The following RCBTB2 variants were observed in gnomAD, a reference collection of about 807,000 sequenced individuals.
The protein encoded by RCBTB2 is RCC1 and BTB domain-containing protein 2.
A neutral mutation model predicts 65.4 loss-of-function variants in RCBTB2; 55 were observed. The observed-to-expected ratio is 0.84, with a 90% confidence interval of 0.68 to 1.05. The LOEUF is 1.05. Ranked by LOEUF, RCBTB2 falls within the 50% of genes least tolerant of loss-of-function variation. The pLI is 0.00. For synonymous variants in RCBTB2, 220 were observed against 255.2 expected (o/e 0.86, Z 1.31); for missense variants, 599 against 680.1 (o/e 0.88, Z 1.33).
intron 11 of RCBTB2, 132 bp from the exon 12 acceptor site, chr13:48,502,000 G>T: frequency 1.6e-6 from 1 of 613,514 alleles, no homozygotes; most frequent in Non-Finnish European, 2.6e-6. Flanking sequence ...CTGAGCAATG[G>T]ATTTTTTCCC....
chr13:48,490,346 A>T, intron 14 of RCBTB2, 95 bp from the exon 15 acceptor site: 4 of 1,086,722 alleles, frequency 3.7e-6, no homozygotes, highest in Non-Finnish European at 5.4e-6. Context: ...GGCAAAGAAA[A>T]AGGATTTAAT....
intron 9 of RCBTB2, 145 bp downstream of exon 9, chr13:48,511,625 A>C: frequency 1.5e-6 from 1 of 683,240 alleles, no homozygotes; most frequent in African/African-American, 1.8e-5. Flanking sequence ...TAATTCAAGG[A>C]AAAAGAGACT....
chr13:48,514,325 G>A (rs1950967989), intron 6 of RCBTB2, among the ~76,000 whole-genome samples: 1 of 152,164 alleles, frequency 6.6e-6, no homozygotes, highest in South Asian at 2.1e-4. Flanking sequence ...CAGCTGGGAT[G>A]GAGCAAGATG....
At chr13:48,500,557 T>C (rs1469261581) in intron 12 of RCBTB2, among the ~76,000 whole-genome samples, 1 of 151,748 alleles carries the variant, frequency 6.6e-6, no homozygotes, top group East Asian at 1.9e-4. Context: ...GACTCTGCCA[T>C]CTAAAAAAAA....
At chr13:48,500,885 C>T (rs1950204891) in intron 12 of RCBTB2, among the ~76,000 whole-genome samples, 1 of 152,188 alleles carries the variant, frequency 6.6e-6, no homozygotes, top group South Asian at 2.1e-4. Flanking sequence ...GCAAACGCTG[C>T]ACAGCTTGAT....
rs1314215295 is a variant in RCBTB2, at chr13:48,502,900, G to A, written c.941C>T (p.Ala314Val). The A allele has an allele frequency of 9.3e-6, 15 of 1,611,980 alleles. No individual in the cohort carries two copies. Among genetic ancestry groups the A allele is most frequent in the Admixed American group, 1.7e-5 (1 of 59,850 alleles). Residue 314 changes from alanine to valine, a missense_variant, in exon 11 of 15, where the codon GCA becomes GTA. Ala to Val is a moderately conservative substitution (Grantham distance 64, BLOSUM62 0). Coordinates refer to ENST00000344532, the MANE Select transcript of RCBTB2 (RefSeq NM_001268.4). ...AGACGTGTGTGTGGAGTGACAGGCT[G>A]CAATCTCGATAATCCTAAATTCACA... The part of the protein sequence containing the change: ...TVEKDRIIEI[A>V]ACHSTHTSAA...
At chr13:48,532,396 C>T (rs1952185948) in intron 1 of RCBTB2, 1 of 152,524 alleles carries the variant, frequency 6.6e-6, no homozygotes, top group African/African-American at 2.4e-5. Context: ...AAAGCATATA[C>T]TGCCACTGAG....
At chr13:48,512,518 C>T (rs1025683509) in intron 7 of RCBTB2, among the ~76,000 whole-genome samples, 2 of 152,132 alleles carry the variant, frequency 1.3e-5, no homozygotes, top group Non-Finnish European at 2.9e-5. Flanking sequence ...GGAACAATAC[C>T]TCCTTTTAAA....
At position 48,531,323 on chromosome 13, in the gene RCBTB2, A is replaced by C. The variant is rs572866850; in HGVS notation, c.-219+1705T>G. Among the ~76,000 whole-genome samples the C allele has an allele frequency of 3.9e-5, 6 of 152,342 alleles. No homozygotes were observed. The East Asian group carries it at 1.2e-3, about 29-fold the overall frequency. ...TTCCAATTTTATTTCTACAATTAAC[A>C]AATACCTTCTGAGCTTCAATTATGG... On this transcript the variant is annotated intron_variant, in intron 1 of 14. Transcript: ENST00000344532.
chr13:48,510,756 C>A lies in RCBTB2; in HGVS notation c.799G>T (p.Ala267Ser), dbSNP rs150107579. ...IRVQRVACGY[A>S]HTLVLTDEGQ... ...TCATCTGTTAATACTAATGTGTGTG[C>A]GTAGCCACAGGCGACCTGGAAGGAA... Residue 267 changes from alanine to serine, a missense_variant, in exon 10 of 15, where the codon GCA (alanine) becomes TCA (serine). Coordinates refer to ENST00000344532, the MANE Select transcript of RCBTB2 (RefSeq NM_001268.4). The A allele has an allele frequency of 5.0e-6, 8 of 1,612,026 alleles. No individual in the cohort carries two copies. The highest frequency in any genetic ancestry group is 4.2e-6 in the Non-Finnish European group (5 of 1,178,398).
Position 48,512,072 on chromosome 13 carries a change from C to T in RCBTB2, c.619G>A (p.Val207Ile), listed in dbSNP as rs764653376. ...ATCTGCCCACATGCTATGGTCACAA[C>T]TACTTTATTTTGTAGGCAGCCAGTG... ...RVTGCLQNKV[V>I]VTIACGQMCC... The change falls in exon 8 of 15, where the codon GTT becomes ATT. Residue 207 changes from valine (V) to isoleucine (I), a missense_variant. Coordinates refer to ENST00000344532, the MANE Select transcript of RCBTB2 (RefSeq NM_001268.4). 11 of 1,614,266 alleles carry T rather than the reference C, an allele frequency of 6.8e-6. No individual in the cohort carries two copies. The highest frequency in any genetic ancestry group is 1.7e-5 in the Admixed American group (1 of 60,028).
In RCBTB2 at chr13:48,490,018, C is replaced by T; in HGVS notation, c.*93G>A. The T allele has an allele frequency of 7.3e-7, 1 of 1,374,474 alleles. No homozygotes were observed. The highest frequency in any genetic ancestry group is 1.0e-6 in the Non-Finnish European group (1 of 968,002). The allele number at this position is 1,374,474 out of a possible 1,614,324, so 85.1% of individuals were successfully genotyped here. On this transcript the variant is annotated 3_prime_UTR_variant, in exon 15 of 15. Transcript: ENST00000344532. ...GTTACAAGTACTCAGCCAAACATAG[C>T]TCATCATACATACTATTAATTAAAG...
In RCBTB2 at chr13:48,511,873, T is replaced by C. The variant is rs760864772; in HGVS notation, c.680A>G (p.Tyr227Cys). 17 of 1,614,104 alleles carry C rather than the reference T, an allele frequency of 1.1e-5. No homozygotes were observed. In the East Asian group the frequency reaches 1.3e-4, roughly 13 times the overall value. Residue 227 changes from tyrosine (Y) to cysteine (C), a missense_variant, in exon 9 of 15, where the codon TAT becomes TGT. Physicochemically the swap from Tyr to Cys is radical, Grantham distance 194. Transcript: ENST00000344532. ...CMAVVDTGEV[Y>C]VWGYNGNGQL... ...CCCGTTTCCGTTGTAACCCCAGACA[T>C]AGACCTGAGAGAAAATGAGACCCTC...
chr13:48,490,168 A>G lies in RCBTB2; in HGVS notation c.1599T>C (p.His533=). The G allele has an allele frequency of 1.9e-6, 3 of 1,614,144 alleles. No individual in the cohort carries two copies. Among genetic ancestry groups the G allele is most frequent in the African/African-American group, 1.3e-5 (1 of 75,062 alleles). ...TQTSGFAEMD[H]DLLKNFISKA... is the part of the protein sequence containing the mutation. The stretch of plus-strand genomic sequence containing the variant: ...TGCTGATAAAGTTCTTCAGGAGATC[A>G]TGGTCCATTTCTGCAAAACCTGATG... The change falls in exon 15 of 15, where the codon CAT becomes CAC. Residue 533 remains histidine (H), a synonymous_variant. Transcript: ENST00000344532.
At chr13:48,504,186 G>A in intron 10 of RCBTB2, 1 of 985,368 alleles carries the variant, frequency 1.0e-6, no homozygotes, top group Non-Finnish European at 1.2e-6. Flanking sequence ...AGCCTCCCAG[G>A]TCTCCCTTGC....
At chr13:48,493,658 G>T (rs1949847332) in intron 14 of RCBTB2, among the ~76,000 whole-genome samples, 1 of 151,740 alleles carries the variant, frequency 6.6e-6, no homozygotes, top group East Asian at 1.9e-4. Context: ...CCTCCTTCAG[G>T]TCTCTGCTTG....
intron 14 of RCBTB2, among the ~76,000 whole-genome samples, chr13:48,495,975 T>G (rs1397881389): frequency 7.3e-6 from 1 of 136,610 alleles, no homozygotes; most frequent in Admixed American, 6.7e-5. Flanking sequence ...TCTTTTTAAA[T>G]CAGAGCTATA....
intron 13 of RCBTB2, among the ~76,000 whole-genome samples, chr13:48,497,277 C>T (rs1195201165): frequency 6.6e-6 from 1 of 152,192 alleles, no homozygotes; most frequent in Non-Finnish European, 1.5e-5. Flanking sequence ...ACACTTTCCT[C>T]ACTTACTTCC....
At position 48,489,501 on chromosome 13, in the gene RCBTB2, C is replaced by G. The variant is rs530710520; in HGVS notation, c.*610G>C. 2 of 152,148 alleles carry G rather than the reference C, an allele frequency of 1.3e-5. No individual in the cohort carries two copies. Among genetic ancestry groups the G allele is most frequent in the South Asian group, 4.1e-4 (2 of 4,828 alleles). The allele number at this position is 152,148 out of a possible 1,614,324, so 9.4% of individuals were successfully genotyped here. A position where few individuals can be genotyped will look rare whatever the true frequency, so the allele number is the denominator to read the frequency against. Reference sequence around the variant, plus strand: ...GCCTTGACAATTTAATTGCCAGGGCCTTTTGTCAATTCTAAACAATGTTCT... The same window carrying G: ...GCCTTGACAATTTAATTGCCAGGGCGTTTTGTCAATTCTAAACAATGTTCT... On this transcript the variant is annotated 3_prime_UTR_variant, in exon 15 of 15. Coordinates refer to ENST00000344532, the MANE Select transcript of RCBTB2 (RefSeq NM_001268.4).
Sources: allele counts gnomAD v4.1 joint callset (sites outside exome capture counted in the v4.1 genomes callset), GRCh38; gene constraint gnomAD v4.1.1; transcripts MANE v1.5; gene names NCBI Gene and HGNC (gene_info 2026-07-23, HGNC 2026-07-21).